Variants in SLC25A31 observed in about 807,000 individuals in gnomAD.
SLC25A31 encodes ADP/ATP translocase 4.
SLC25A31 carries 40 observed loss-of-function variants against 36.2 expected under a neutral mutation model. The observed-to-expected ratio is 1.10, with a 90% CI of 0.86 to 1.44. SLC25A31 has a LOEUF of 1.44. Ranked by LOEUF, SLC25A31 falls within the 40% of genes most tolerant of loss-of-function variation. The pLI, the probability that SLC25A31 is intolerant of heterozygous loss-of-function variation, is 0.00. For synonymous variants in SLC25A31, 143 were observed against 149.7 expected, an observed-to-expected ratio of 0.96 and a Z score of 0.32; for missense variants, 350 against 397.1, an observed-to-expected ratio of 0.88 and a Z score of 1.01.
chr4:127,753,504 A>G (rs959634875), intron 2 of SLC25A31, among the ~76,000 whole-genome samples: 8 of 152,168 alleles, frequency 5.3e-5, no homozygotes, highest in African/African-American at 1.9e-4. Context: ...GAAATGCAAA[A>G]GATCATAAGA....
intron 1 of SLC25A31, among the ~76,000 whole-genome samples, chr4:127,740,350 G>A (rs1431780536): frequency 6.6e-6 from 1 of 152,072 alleles, no homozygotes; most frequent in Admixed American, 6.5e-5. Context: ...ATAACCCTTG[G>A]GGGTGTAACT....
chr4:127,742,799 T>C (rs1731755779), intron 1 of SLC25A31, among the ~76,000 whole-genome samples: 1 of 152,222 alleles, frequency 6.6e-6, no homozygotes, highest in East Asian at 1.9e-4. Flanking sequence ...TCTTAACTGC[T>C]TTTGATGCAT....
At chr4:127,734,611 T>C (rs1190021557) in intron 1 of SLC25A31, among the ~76,000 whole-genome samples, 1 of 145,348 alleles carries the variant, frequency 6.9e-6, no homozygotes, top group Non-Finnish European at 1.5e-5. Flanking sequence ...TTTACAAGCC[T>C]ATCCAAACTC....
chr4:127,744,702 C>T lies in SLC25A31; in HGVS notation c.263C>T (p.Ala88Val). The T allele has an allele frequency of 6.2e-7, 1 of 1,602,826 alleles. No homozygotes were observed. Among genetic ancestry groups the T allele is most frequent in the Non-Finnish European group, 8.5e-7 (1 of 1,174,222 alleles). ...GFFSFWRGNLANVIRYFPTQA... is the reference protein window; with the variant it reads ...GFFSFWRGNLVNVIRYFPTQA... Reference sequence around the variant, plus strand: ...TTCAGTTTTTGGCGTGGCAATTTGGCAAATGTTATTCGGTATTTTCCAACA... The same window carrying T: ...TTCAGTTTTTGGCGTGGCAATTTGGTAAATGTTATTCGGTATTTTCCAACA... Residue 88 changes from alanine to valine, a missense_variant, in exon 2 of 6, where the codon GCA becomes GTA. By Grantham distance (64) the Ala-to-Val change is moderately conservative. Transcript: ENST00000281154.
intron 2 of SLC25A31, among the ~76,000 whole-genome samples, chr4:127,761,716 C>G (rs1732145028): frequency 6.6e-6 from 1 of 152,172 alleles, no homozygotes; most frequent in Non-Finnish European, 1.5e-5. Context: ...TTCCAGAATA[C>G]CCCACACTCT....
chr4:127,765,386 C>T (rs2148764105), intron 3 of SLC25A31, among the ~76,000 whole-genome samples: 1 of 152,332 alleles, frequency 6.6e-6, no homozygotes, highest in Middle Eastern at 3.4e-3. Context: ...TCCCTATTCT[C>T]TCCATCTGGC....
At chr4:127,750,766 A>T (rs1439215637) in intron 2 of SLC25A31, among the ~76,000 whole-genome samples, 1 of 152,170 alleles carries the variant, frequency 6.6e-6, no homozygotes, top group African/African-American at 2.4e-5. Flanking sequence ...ATACAAAAAA[A>T]AAGAGAAAGG....
At chr4:127,752,803 T>C (rs1162927940) in intron 2 of SLC25A31, among the ~76,000 whole-genome samples, 1 of 152,182 alleles carries the variant, frequency 6.6e-6, no homozygotes, top group Non-Finnish European at 1.5e-5. Context: ...AGAGACAGAC[T>C]GCAATGCATA....
chr4:127,734,137 A>G (rs1417046414), intron 1 of SLC25A31, among the ~76,000 whole-genome samples: 5 of 152,234 alleles, frequency 3.3e-5, no homozygotes, highest in African/African-American at 9.6e-5. Flanking sequence ...ATAAAGAAGC[A>G]AAAAGTAACA....
At chr4:127,754,845 A>T (rs1173606137) in intron 2 of SLC25A31, among the ~76,000 whole-genome samples, 1 of 152,186 alleles carries the variant, frequency 6.6e-6, no homozygotes. Flanking sequence ...TGGGATCACA[A>T]AATACCCACA....
At chr4:127,749,398 CA>C (rs746946805) in intron 2 of SLC25A31, among the ~76,000 whole-genome samples, 4 of 151,934 alleles carry the variant, frequency 2.6e-5, no homozygotes, top group Non-Finnish European at 5.9e-5. Flanking sequence ...TATGGACGTC[CA>C]GATTCAGGAA....
At chr4:127,746,031 C>T (rs533610493) in intron 2 of SLC25A31, among the ~76,000 whole-genome samples, 65 of 152,236 alleles carry the variant, frequency 4.3e-4, no homozygotes, top group Non-Finnish European at 6.6e-4. Context: ...TCATTTAGCT[C>T]CCACTTACAA....
Position 127,734,857 on chromosome 4 carries a change from T to A in SLC25A31, c.232+4080T>A, listed in dbSNP as rs537524970. ...ATATATAAATTGGCATTGTCCCCTA[T>A]GCTTGGGCCCAATGTCAGTTACATA... On this transcript the variant is annotated intron_variant, in intron 1 of 5. Coordinates refer to ENST00000281154, the MANE Select transcript of SLC25A31 (RefSeq NM_031291.4). Among the ~76,000 whole-genome samples, 3 of 152,240 alleles carry A rather than the reference T, an allele frequency of 2.0e-5. No homozygotes were observed. In the South Asian group the frequency reaches 6.2e-4, roughly 32 times the overall value.
chr4:127,731,097 G>A (rs897343781), intron 1 of SLC25A31, among the ~76,000 whole-genome samples: 1 of 152,170 alleles, frequency 6.6e-6, no homozygotes, highest in Non-Finnish European at 1.5e-5. Context: ...CAGGATTGAG[G>A]GAGATGCCAT....
intron 2 of SLC25A31, among the ~76,000 whole-genome samples, chr4:127,760,912 G>T (rs542763080): frequency 6.6e-6 from 1 of 152,096 alleles, no homozygotes; most frequent in Non-Finnish European, 1.5e-5. Flanking sequence ...GGTGGCGGGC[G>T]CCTGTAGTCC....
At chr4:127,739,416 G>A (rs987382447) in intron 1 of SLC25A31, among the ~76,000 whole-genome samples, 3 of 152,106 alleles carry the variant, frequency 2.0e-5, no homozygotes, top group Non-Finnish European at 4.4e-5. Flanking sequence ...CTGAAAATAG[G>A]CCCCCAATCT....
chr4:127,766,349 A>G (rs1044377588), intron 3 of SLC25A31, among the ~76,000 whole-genome samples: 5 of 151,112 alleles, frequency 3.3e-5, no homozygotes, highest in African/African-American at 1.2e-4. Context: ...TGTATTTTTA[A>G]TCGAGACAGG....
intron 2 of SLC25A31, among the ~76,000 whole-genome samples, chr4:127,746,138 T>C (rs1369593271): frequency 1.3e-5 from 2 of 152,184 alleles, no homozygotes; most frequent in Non-Finnish European, 2.9e-5. Context: ...TACATGATTT[T>C]GTACTTTTTT....
chr4:127,742,899 A>G (rs1261074146), intron 1 of SLC25A31, among the ~76,000 whole-genome samples: 1 of 152,084 alleles, frequency 6.6e-6, no homozygotes, highest in East Asian at 1.9e-4. Context: ...TGTTAAGAGC[A>G]TGTTGTTTAA....
Sources: allele counts gnomAD v4.1 joint callset (sites outside exome capture counted in the v4.1 genomes callset), GRCh38; gene constraint gnomAD v4.1.1; transcripts MANE v1.5; gene names NCBI Gene and HGNC (gene_info 2026-07-23, HGNC 2026-07-21).